The following NF1 variants were observed in gnomAD, a reference collection of about 807,000 sequenced individuals.
NF1 encodes the protein neurofibromin.
In NF1, 122 loss-of-function variants were observed where a neutral mutation model predicts 325.7. That is an observed-to-expected ratio of 0.37 (90% CI 0.32 to 0.44). The LOEUF (loss-of-function observed/expected upper bound fraction) is 0.44, where lower values mean the gene tolerates loss of function less well. NF1 is among the 20% of genes least tolerant of loss of function. The pLI, the probability that NF1 is intolerant of heterozygous loss-of-function variation, is 1.00. For synonymous variants in NF1, 1,091 were observed against 1,186.0 expected, an observed-to-expected ratio of 0.92 and a Z score of 1.65; for missense variants, 2,140 against 3,415.4, an observed-to-expected ratio of 0.63 and a Z score of 9.31.
intron 3 of NF1, among the ~76,000 whole-genome samples, chr17:31,161,747 A>G (rs1360308334): frequency 6.6e-6 from 1 of 152,182 alleles, no homozygotes; most frequent in Non-Finnish European, 1.5e-5. Flanking sequence ...CTTACAGAAA[A>G]TATACAGGCC....
intron 21 of NF1, 91 bp from the exon 22 acceptor site, chr17:31,229,744 T>C (rs2151430194): frequency 1.3e-6 from 2 of 1,510,268 alleles, no homozygotes; most frequent in Non-Finnish European, 1.8e-6. Flanking sequence ...GCACTTACTC[T>C]GTGTGTTTAG....
At chr17:31,109,445 G>A (rs779955782) in intron 1 of NF1, among the ~76,000 whole-genome samples, 19 of 150,770 alleles carry the variant, frequency 1.3e-4, no homozygotes, top group Non-Finnish European at 7.4e-5. Flanking sequence ...GTGCAATGGC[G>A]CGATCTCGGC....
At chr17:31,298,932 A>G (rs535155813) in intron 36 of NF1, among the ~76,000 whole-genome samples, 2 of 152,212 alleles carry the variant, frequency 1.3e-5, no homozygotes, top group Admixed American at 6.5e-5. Flanking sequence ...CATTTTCATT[A>G]CACTTAACAG....
At chr17:31,118,659 A>G (rs569488250) in intron 1 of NF1, among the ~76,000 whole-genome samples, 2 of 152,278 alleles carry the variant, frequency 1.3e-5, no homozygotes, top group Non-Finnish European at 2.9e-5. Context: ...CATGGTGTGT[A>G]TATACCACAT....
chr17:31,353,155 C>G (rs2070193941), intron 51 of NF1, among the ~76,000 whole-genome samples: 1 of 152,138 alleles, frequency 6.6e-6, no homozygotes, highest in South Asian at 2.1e-4. Flanking sequence ...GTGATACACC[C>G]TCCTCGGCCT....
chr17:31,138,741 A>AT (rs143773612), intron 1 of NF1, among the ~76,000 whole-genome samples: 101,633 of 144,826 alleles, frequency 0.7, 35,879 homozygotes, highest in Middle Eastern at 0.84. Context: ...CTACAGGCTA[A>AT]TTTTTTTTTT....
Position 31,365,452 on chromosome 17 carries a change from G to A in NF1, c.8377+4749G>A, listed in dbSNP as rs529005905. On this transcript the variant is annotated intron_variant, in intron 57 of 57. Transcript: ENST00000358273. ...TACCTGTTTTGTAGGTGTATGTTAAGTATGTATTAGAATCCTTGATCACCA... is the reference window on the plus strand; with the variant it reads ...TACCTGTTTTGTAGGTGTATGTTAAATATGTATTAGAATCCTTGATCACCA... Among the ~76,000 whole-genome samples the A allele has an allele frequency of 2.6e-5, 4 of 152,260 alleles. No individual in the cohort carries two copies. In the East Asian group the frequency reaches 5.8e-4, roughly 22 times the overall value.
At chr17:31,113,068 T>C (rs2097997441) in intron 1 of NF1, among the ~76,000 whole-genome samples, 1 of 152,216 alleles carries the variant, frequency 6.6e-6, no homozygotes, top group South Asian at 2.1e-4. Context: ...CTAGGTCTTT[T>C]GTTATCCTTG....
At chr17:31,321,249 T>C (rs1906529961) in intron 36 of NF1, among the ~76,000 whole-genome samples, 2 of 152,200 alleles carry the variant, frequency 1.3e-5, no homozygotes, top group Non-Finnish European at 2.9e-5. Flanking sequence ...ACATTTCCAG[T>C]TTACTTGAGG....
chr17:31,227,862 G>A (rs2067044103), intron 20 of NF1, among the ~76,000 whole-genome samples: 3 of 152,160 alleles, frequency 2.0e-5, no homozygotes, highest in Non-Finnish European at 1.5e-5. Flanking sequence ...CACATCGCAA[G>A]TACCAGTAGC....
chr17:31,174,875 C>A (rs1208369540), intron 5 of NF1, among the ~76,000 whole-genome samples: 1 of 152,008 alleles, frequency 6.6e-6, no homozygotes, highest in Admixed American at 6.6e-5. Context: ...CTTTGGGAGG[C>A]CTACGTGGGC....
chr17:31,278,409 T>G (rs1214758537), intron 36 of NF1, among the ~76,000 whole-genome samples: 2 of 17,510 alleles, frequency 1.1e-4, no homozygotes, highest in Non-Finnish European at 1.8e-4. Flanking sequence ...TTTTTTGGGT[T>G]TTTTTTTTTT....
chr17:31,278,309 C>T (rs2068045781), intron 36 of NF1: 1 of 151,228 alleles, frequency 6.6e-6, no homozygotes. Flanking sequence ...ATAGCACTTT[C>T]TTGAGAATTT....
At chr17:31,269,069 T>C (rs1205326461) in intron 36 of NF1, among the ~76,000 whole-genome samples, 1 of 152,042 alleles carries the variant, frequency 6.6e-6, no homozygotes, top group African/African-American at 2.4e-5. Flanking sequence ...TGGCAATGTC[T>C]TTCGAAACCA....
At chr17:31,361,767 C>T (rs1300653014) in intron 57 of NF1, among the ~76,000 whole-genome samples, 1 of 152,160 alleles carries the variant, frequency 6.6e-6, no homozygotes, top group African/African-American at 2.4e-5. Context: ...ATGAACATTT[C>T]AACTTATGTA....
intron 5 of NF1, among the ~76,000 whole-genome samples, chr17:31,175,107 C>CAAAAAAAAA (rs1171161386): frequency 6.9e-5 from 2 of 29,040 alleles, no homozygotes; most frequent in Non-Finnish European, 5.5e-5. Context: ...GACTCCATCT[C>CAAAAAAAAA]AAAAAAAAAA....
intron 11 of NF1, among the ~76,000 whole-genome samples, chr17:31,202,527 C>G (rs935265217): frequency 6.6e-5 from 10 of 152,206 alleles, no homozygotes; most frequent in African/African-American, 2.4e-4. Context: ...GTTTAGTGAG[C>G]ATTTTGGGAG....
chr17:31,126,546 A>G (rs1914903772), intron 1 of NF1, among the ~76,000 whole-genome samples: 1 of 151,348 alleles, frequency 6.6e-6, no homozygotes, highest in South Asian at 2.1e-4. Context: ...GGCTCAAGCT[A>G]TCCTCCCACC....
intron 36 of NF1, among the ~76,000 whole-genome samples, chr17:31,308,591 A>G (rs754837388): frequency 6.6e-6 from 1 of 152,092 alleles, no homozygotes; most frequent in Non-Finnish European, 1.5e-5. Flanking sequence ...TTTCCCTGCT[A>G]AACAGACACT....
Sources: allele counts gnomAD v4.1 joint callset (sites outside exome capture counted in the v4.1 genomes callset), GRCh38; gene constraint gnomAD v4.1.1; transcripts MANE v1.5; gene names NCBI Gene and HGNC (gene_info 2026-07-23, HGNC 2026-07-21).